The following SORBS2 variants were observed in gnomAD, a reference collection of about 807,000 sequenced individuals.
The protein encoded by SORBS2 is sorbin and SH3 domain-containing protein 2.
A neutral mutation model predicts 97.7 loss-of-function variants in SORBS2; 46 were observed. The observed-to-expected ratio is 0.47, with a 90% confidence interval of 0.37 to 0.60. The LOEUF (loss-of-function observed/expected upper bound fraction) is 0.60, where lower values mean the gene tolerates loss of function less well. SORBS2 is among the 20% of genes least tolerant of loss of function. The pLI, the probability that SORBS2 is intolerant of heterozygous loss-of-function variation, is 0.00. For missense variants in SORBS2, 1,316 were observed against 1,282.3 expected (o/e 1.03, Z -0.40); for synonymous variants, 476 against 473.4 (o/e 1.01, Z -0.07).
chr4:185,834,715 A>G (rs2099207050), intron 1 of SORBS2, among the ~76,000 whole-genome samples: 1 of 152,182 alleles, frequency 6.6e-6, no homozygotes, highest in African/African-American at 2.4e-5. Flanking sequence ...GTGATTTTTA[A>G]TTAATATTAT....
chr4:185,935,144 C>T (rs2099268360), intron 1 of SORBS2, among the ~76,000 whole-genome samples: 1 of 152,140 alleles, frequency 6.6e-6, no homozygotes, highest in African/African-American at 2.4e-5. Flanking sequence ...TTTGTACCCA[C>T]AAACCAATAG....
At chr4:185,778,918 C>A (rs965770394) in intron 1 of SORBS2, among the ~76,000 whole-genome samples, 1 of 152,168 alleles carries the variant, frequency 6.6e-6, no homozygotes, top group African/African-American at 2.4e-5. Flanking sequence ...ACCTCTGTTC[C>A]GGCCTTAAAT....
At position 185,731,832 on chromosome 4, in the gene SORBS2, T is replaced by TTCTCTCTCTC. The variant is rs1201714307; in HGVS notation, c.-198+43385_-198+43394dup. On this transcript the variant is annotated intron_variant, in intron 2 of 20. Transcript: ENST00000284776. Reference sequence around the variant, plus strand: ...CCTCCCTCCCTGCCTGTCTCTCTCTTTCTCTCTCTCTCTCTCTCTCTCTCT... The same window carrying TTCTCTCTCTC: ...CCTCCCTCCCTGCCTGTCTCTCTCTTTCTCTCTCTCTCTCTCTCTCTCTCTCTCTCTCTCT... Among the ~76,000 whole-genome samples, 49 of 33,264 alleles carry TTCTCTCTCTC rather than the reference T, an allele frequency of 1.5e-3. 1 individual carries two copies. The highest frequency in any genetic ancestry group is 3.1e-3 in the East Asian group (2 of 640). The allele number at this position is 33,264 out of a possible 152,430, so 21.8% of individuals were successfully genotyped here.
intron 2 of SORBS2, among the ~76,000 whole-genome samples, chr4:185,753,616 A>G (rs960399225): frequency 6.6e-6 from 1 of 152,222 alleles, no homozygotes. Flanking sequence ...ATGTCTGTGC[A>G]TCCTTTAGTC....
intron 3 of SORBS2, among the ~76,000 whole-genome samples, chr4:185,648,374 T>G (rs915995543): frequency 6.6e-6 from 1 of 151,796 alleles, no homozygotes; most frequent in Admixed American, 6.6e-5. Context: ...TGGTGGCTGG[T>G]GCCTGTAATC....
intron 2 of SORBS2, among the ~76,000 whole-genome samples, chr4:185,692,121 G>A (rs2098109881): frequency 6.6e-6 from 1 of 152,148 alleles, no homozygotes; most frequent in Admixed American, 6.5e-5. Context: ...CCCATACCCT[G>A]AAACCAAAGA....
chr4:185,894,031 C>T (rs2099243819), intron 1 of SORBS2, among the ~76,000 whole-genome samples: 1 of 152,190 alleles, frequency 6.6e-6, no homozygotes, highest in Non-Finnish European at 1.5e-5. Context: ...AGATGCAAAT[C>T]TGCCTCACAA....
At chr4:185,887,960 A>ATGTGTG (rs60130240) in intron 1 of SORBS2, among the ~76,000 whole-genome samples, 2 of 38,456 alleles carry the variant, frequency 5.2e-5, no homozygotes, top group African/African-American at 1.1e-4. Flanking sequence ...GTATATATAT[A>ATGTGTG]TGTGTGTGTG....
chr4:185,708,143 G>A (rs997497064), intron 2 of SORBS2, among the ~76,000 whole-genome samples: 6 of 152,142 alleles, frequency 3.9e-5, no homozygotes, highest in African/African-American at 1.4e-4. Flanking sequence ...AGGCAGAGCC[G>A]ACTTGGGCTC....
intron 1 of SORBS2, among the ~76,000 whole-genome samples, chr4:185,952,993 G>T (rs181793273): frequency 6.6e-6 from 1 of 152,196 alleles, no homozygotes; most frequent in East Asian, 1.9e-4. Flanking sequence ...CTCTCTGTGG[G>T]CATTTATTAA....
intron 1 of SORBS2, among the ~76,000 whole-genome samples, chr4:185,776,750 A>G (rs963951502): frequency 7.2e-5 from 11 of 152,002 alleles, no homozygotes; most frequent in Non-Finnish European, 1.5e-4. Context: ...AATGCAAAAA[A>G]TTAGCAGGAT....
chr4:185,634,414 C>T (rs2096959905), intron 4 of SORBS2, among the ~76,000 whole-genome samples: 1 of 151,928 alleles, frequency 6.6e-6, no homozygotes, highest in South Asian at 2.1e-4. Context: ...AACTAATGTG[C>T]AAAAAACAGT....
Position 185,614,678 on chromosome 4 carries a change from C to T in SORBS2, c.2595+153G>A, listed in dbSNP as rs2096601155. 5 of 891,420 alleles carry T rather than the reference C, an allele frequency of 5.6e-6. No individual in the cohort carries two copies. In the East Asian group the frequency reaches 1.4e-4, roughly 24 times the overall value. The allele number at this position is 891,420 out of a possible 1,614,324, so 55.2% of individuals were successfully genotyped here. ...ACCAGCAGGGAACCGTGACTCTGGG[C>T]TGCCTTAAAGAGTCCTTTGTAGAAA... On this transcript the variant is annotated intron_variant, in intron 11 of 14. Coordinates refer to ENST00000418609, the Ensembl canonical transcript of SORBS2.
At chr4:185,876,300 GTT>G (rs2099233625) in intron 1 of SORBS2, among the ~76,000 whole-genome samples, 1 of 152,012 alleles carries the variant, frequency 6.6e-6, no homozygotes, top group Non-Finnish European at 1.5e-5. Context: ...TAGAGATGGA[GTT>G]TAACTATATT....
At chr4:185,615,806 C>T (rs1406275286) in intron 9 of SORBS2, among the ~76,000 whole-genome samples, 1 of 152,092 alleles carries the variant, frequency 6.6e-6, no homozygotes, top group Non-Finnish European at 1.5e-5. Flanking sequence ...CAATGCTTGC[C>T]TTTCTATCTT....
chr4:185,802,553 A>C (rs1039064800), intron 1 of SORBS2, among the ~76,000 whole-genome samples: 36 of 152,326 alleles, frequency 2.4e-4, no homozygotes, highest in African/African-American at 8.2e-4. Flanking sequence ...GAATACAATC[A>C]GCTAACTTAC....
At chr4:185,789,925 G>C (rs370047995) in intron 1 of SORBS2, among the ~76,000 whole-genome samples, 2 of 152,094 alleles carry the variant, frequency 1.3e-5, no homozygotes, top group Non-Finnish European at 2.9e-5. Flanking sequence ...TAAATACTTA[G>C]AAACTCTTGT....
chr4:185,743,992 CCTG>C (rs202085237), intron 2 of SORBS2, among the ~76,000 whole-genome samples: 10,646 of 140,758 alleles, frequency 0.076, 861 homozygotes, highest in East Asian at 0.16. Flanking sequence ...TCCTCCTCCT[CCTG>C]TCCCCCTCAC....
chr4:185,627,357 G>A (rs186526430), intron 5 of SORBS2, among the ~76,000 whole-genome samples: 193 of 152,222 alleles, frequency 1.3e-3, no homozygotes, highest in Middle Eastern at 3.4e-3. Flanking sequence ...CCACAGGTGG[G>A]TGCCACCTCA....
Sources: gnomAD v4.1 joint callset for allele counts (sites outside exome capture counted in the v4.1 genomes callset) on GRCh38, gnomAD v4.1.1 for gene constraint, MANE v1.5 for transcripts, NCBI Gene and HGNC (gene_info 2026-07-23, HGNC 2026-07-21) for gene names.